The following DTNB variants were observed in gnomAD, a reference collection of about 807,000 sequenced individuals.
DTNB encodes DTN-B.
In DTNB, 63 loss-of-function variants were observed where a neutral mutation model predicts 90.7. The observed-to-expected ratio is 0.69, with a 90% CI of 0.57 to 0.86. The LOEUF (loss-of-function observed/expected upper bound fraction) is 0.86. Among genes scored for constraint, DTNB ranks in the 40% least tolerant of loss-of-function variants. The pLI is 0.00. For synonymous variants in DTNB, 277 were observed against 286.7 expected (o/e 0.97, Z 0.34); for missense variants, 744 against 807.1 (o/e 0.92, Z 0.95).
At chr2:25,636,270 G>A (rs1427382499) in intron 3 of DTNB, among the ~76,000 whole-genome samples, 1 of 152,040 alleles carries the variant, frequency 6.6e-6, no homozygotes, top group Non-Finnish European at 1.5e-5. Flanking sequence ...AAAAAGTAAA[G>A]GAACAACTGA....
intron 8 of DTNB, among the ~76,000 whole-genome samples, chr2:25,536,183 G>A (rs1046654347): frequency 2.7e-5 from 4 of 147,082 alleles, no homozygotes; most frequent in Admixed American, 2.0e-4. Flanking sequence ...TCCTAGATGG[G>A]GTGGCGGCCG....
intron 8 of DTNB, among the ~76,000 whole-genome samples, chr2:25,565,115 A>G (rs1328684161): frequency 1.3e-5 from 2 of 152,170 alleles, no homozygotes; most frequent in Non-Finnish European, 2.9e-5. Context: ...TTGCTTAAGT[A>G]CCCTGGCTAG....
chr2:25,485,234 C>T (rs1239184298), intron 9 of DTNB, among the ~76,000 whole-genome samples: 1 of 152,102 alleles, frequency 6.6e-6, no homozygotes, highest in African/African-American at 2.4e-5. Flanking sequence ...GTCTTGAACT[C>T]CTGAGTTCAG....
chr2:25,642,483 C>T (rs2384254), intron 2 of DTNB, among the ~76,000 whole-genome samples: 8 of 151,314 alleles, frequency 5.3e-5, no homozygotes, highest in African/African-American at 1.9e-4. Flanking sequence ...GGTGCAATCT[C>T]GGTTCACTGC....
chr2:25,646,090 G>A (rs1287798796), intron 2 of DTNB, among the ~76,000 whole-genome samples: 2 of 152,142 alleles, frequency 1.3e-5, no homozygotes, highest in East Asian at 1.9e-4. Context: ...TTTAACCTGA[G>A]AGACTGTTTC....
At chr2:25,471,924 T>C (rs910691719) in intron 10 of DTNB, among the ~76,000 whole-genome samples, 1 of 152,216 alleles carries the variant, frequency 6.6e-6, no homozygotes, top group African/African-American at 2.4e-5. Context: ...CGCAATGTAA[T>C]ATTATATTTA....
chr2:25,565,832 T>TA lies in DTNB; in HGVS notation c.876+11005dup, dbSNP rs1010852428. On this transcript the variant is annotated intron_variant, in intron 8 of 20. Coordinates refer to ENST00000406818, the MANE Select transcript of DTNB (RefSeq NM_021907.5). ...TTTGGTTTGCTAATATTACTTTTTTTAAAAAAACTAAGAGATTCAAGACGT... is the reference window on the plus strand; with the variant it reads ...TTTGGTTTGCTAATATTACTTTTTTTAAAAAAAACTAAGAGATTCAAGACGT... 3.9e-5 allele frequency among the ~76,000 whole-genome samples: 6 copies of TA among 152,108 alleles called. No homozygotes were observed. The East Asian group carries it at 9.6e-4, about 24-fold the overall frequency.
intron 10 of DTNB, among the ~76,000 whole-genome samples, chr2:25,467,299 C>CTTT (rs11345885): frequency 2.5e-5 from 3 of 120,088 alleles, no homozygotes; most frequent in African/African-American, 6.7e-5. Flanking sequence ...TTCTTTCTTT[C>CTTT]TTTTTTTTTT....
intron 6 of DTNB, among the ~76,000 whole-genome samples, chr2:25,592,262 T>C (rs868420916): frequency 5.3e-5 from 8 of 152,128 alleles, no homozygotes; most frequent in Middle Eastern, 3.4e-3. Context: ...GGTTTGGGGC[T>C]AGTATGAATA....
chr2:25,609,683 C>T (rs1416117337), intron 4 of DTNB, among the ~76,000 whole-genome samples: 3 of 149,800 alleles, frequency 2.0e-5, no homozygotes, highest in Non-Finnish European at 3.0e-5. Flanking sequence ...CACACACACA[C>T]ACACACACAC....
intron 16 of DTNB, among the ~76,000 whole-genome samples, chr2:25,398,513 A>G (rs1219663526): frequency 2.0e-5 from 3 of 152,184 alleles, no homozygotes; most frequent in Non-Finnish European, 4.4e-5. Flanking sequence ...ATAGCTCACC[A>G]ATATGCATGG....
chr2:25,392,951 G>C (rs2041541756), intron 16 of DTNB, among the ~76,000 whole-genome samples: 1 of 152,056 alleles, frequency 6.6e-6, no homozygotes, highest in African/African-American at 2.4e-5. Context: ...AAACAAGAAA[G>C]CTACAGACCA....
intron 6 of DTNB, among the ~76,000 whole-genome samples, chr2:25,589,578 A>C (rs1342015915): frequency 6.6e-6 from 1 of 151,288 alleles, no homozygotes; most frequent in Non-Finnish European, 1.5e-5. Context: ...ACGAGGTTTC[A>C]CCACGTCGGC....
At chr2:25,478,613 C>A (rs1269454654) in intron 10 of DTNB, among the ~76,000 whole-genome samples, 1 of 152,020 alleles carries the variant, frequency 6.6e-6, no homozygotes, top group Non-Finnish European at 1.5e-5. Flanking sequence ...TAGCTCACTG[C>A]AGCCTCAAAT....
chr2:25,532,457 C>G (rs2078426067), intron 8 of DTNB, among the ~76,000 whole-genome samples: 1 of 152,076 alleles, frequency 6.6e-6, no homozygotes. Context: ...AATACACAGG[C>G]AGCACCAGAC....
intron 8 of DTNB, among the ~76,000 whole-genome samples, chr2:25,554,937 G>C (rs866915784): frequency 2.4e-4 from 37 of 152,106 alleles, no homozygotes; most frequent in African/African-American, 8.2e-4. Flanking sequence ...TGAGGAAGGA[G>C]GAAAATGGGT....
chr2:25,603,965 G>A (rs1335728182), intron 5 of DTNB, among the ~76,000 whole-genome samples: 1 of 152,164 alleles, frequency 6.6e-6, no homozygotes, highest in Admixed American at 6.5e-5. Context: ...AATAGCCAAA[G>A]CTAACAATCA....
intron 8 of DTNB, among the ~76,000 whole-genome samples, chr2:25,575,375 G>A (rs1052277333): frequency 1.0e-3 from 152 of 152,110 alleles, no homozygotes; most frequent in African/African-American, 3.5e-3. Flanking sequence ...AGAAACTACT[G>A]TGTTTTTTTC....
chr2:25,411,841 G>A (rs979346388), intron 16 of DTNB, among the ~76,000 whole-genome samples: 10 of 152,112 alleles, frequency 6.6e-5, no homozygotes, highest in Non-Finnish European at 1.2e-4. Context: ...GTAAAACACC[G>A]CTAAATAAAT....
Sources: gnomAD v4.1 joint callset for allele counts (sites outside exome capture counted in the v4.1 genomes callset) on GRCh38, gnomAD v4.1.1 for gene constraint, MANE v1.5 for transcripts, NCBI Gene and HGNC (gene_info 2026-07-23, HGNC 2026-07-21) for gene names.